CNTN5: variants seen among roughly 807,000 people sequenced by gnomAD.
CNTN5 encodes the protein contactin-5.
A neutral mutation model predicts 129.1 loss-of-function variants in CNTN5; 77 were observed. That is an observed-to-expected ratio of 0.60 (90% CI 0.50 to 0.72). The LOEUF (loss-of-function observed/expected upper bound fraction) is 0.72, where lower values mean the gene tolerates loss of function less well. Ranked by LOEUF, CNTN5 falls within the 30% of genes least tolerant of loss-of-function variation. CNTN5 has a pLI of 0.00. For missense variants in CNTN5, 1,478 were observed against 1,328.8 expected (o/e 1.11, Z -1.75); for synonymous variants, 509 against 465.6 (o/e 1.09, Z -1.20).
intron 3 of CNTN5, among the ~76,000 whole-genome samples, chr11:99,763,160 ATTTAC>A (rs1944644478): frequency 6.6e-6 from 1 of 152,010 alleles, no homozygotes; most frequent in Non-Finnish European, 1.5e-5. Flanking sequence ...AATTTTTCAT[ATTTAC>A]TTAAATGTAT....
chr11:100,140,889 C>T (rs1464903086), intron 13 of CNTN5, among the ~76,000 whole-genome samples: 1 of 152,018 alleles, frequency 6.6e-6, no homozygotes, highest in Non-Finnish European at 1.5e-5. Context: ...TTTTAGTGAA[C>T]AGGAAATGAG....
chr11:99,059,119 T>C (rs1304909508), intron 1 of CNTN5, among the ~76,000 whole-genome samples: 1 of 150,830 alleles, frequency 6.6e-6, no homozygotes, highest in Non-Finnish European at 1.5e-5. Flanking sequence ...TCTTTTTCTT[T>C]TTTTCAGAGA....
chr11:100,002,121 G>T lies in CNTN5; in HGVS notation c.965G>T (p.Cys322Phe), dbSNP rs1331933666. 3 of 1,572,068 alleles carry T rather than the reference G, an allele frequency of 1.9e-6. No individual in the cohort carries two copies. The highest frequency in any genetic ancestry group is 2.6e-6 in the Non-Finnish European group (3 of 1,165,490). Residue 322 changes from cysteine (C) to phenylalanine (F), a missense_variant, in exon 9 of 25, where the codon TGC (cysteine) becomes TTC (phenylalanine). Physicochemically the swap from Cys to Phe is radical, Grantham distance 205. Coordinates refer to ENST00000524871, the MANE Select transcript of CNTN5 (RefSeq NM_014361.4). The part of the protein sequence containing the change: ...AAKGTTVKME[C>F]FALGNPVPTI... ...AAAGGAACAACTGTTAAGATGGAAT[G>T]CTTTGCACTTGGCAAGTAAGTACAT...
chr11:99,510,355 A>T (rs989977782), intron 2 of CNTN5, among the ~76,000 whole-genome samples: 1 of 152,186 alleles, frequency 6.6e-6, no homozygotes, highest in African/African-American at 2.4e-5. Context: ...AAACTGGCAT[A>T]ACCTTTCTGA....
intron 3 of CNTN5, among the ~76,000 whole-genome samples, chr11:99,572,341 T>C (rs1949201916): frequency 6.6e-6 from 1 of 152,204 alleles, no homozygotes; most frequent in Admixed American, 6.5e-5. Flanking sequence ...TACAAATTTA[T>C]GTTGGGCTGC....
intron 1 of CNTN5, among the ~76,000 whole-genome samples, chr11:99,099,583 A>T (rs535033189): frequency 8.7e-4 from 132 of 151,614 alleles, no homozygotes; most frequent in African/African-American, 3.2e-3. Flanking sequence ...CACACACAGC[A>T]TAGGCACTTA....
rs183955764 is a variant in CNTN5 at position 99,978,766 on chromosome 11, G to A, written c.877+21757G>A. On this transcript the variant is annotated intron_variant, in intron 8 of 24. Transcript: ENST00000524871. ...GCATTAATCCTCATCACTAAGTGACGCATGACTGCTTATTTTATGACATTT... is the reference window on the plus strand; with the variant it reads ...GCATTAATCCTCATCACTAAGTGACACATGACTGCTTATTTTATGACATTT... Among the ~76,000 whole-genome samples, 333 of 152,228 alleles carry A rather than the reference G, an allele frequency of 2.2e-3. 2 individuals are homozygous for A. Among genetic ancestry groups the A allele is most frequent in the African/African-American group, 3.2e-3 (132 of 41,514 alleles).
At chr11:99,513,492 A>G (rs1203526221) in intron 2 of CNTN5, among the ~76,000 whole-genome samples, 1 of 152,122 alleles carries the variant, frequency 6.6e-6, no homozygotes, top group Non-Finnish European at 1.5e-5. Flanking sequence ...GTAGAAGTTA[A>G]TGCCTGGCTT....
chr11:99,710,567 A>ATGTGTGTG (rs71050018), intron 3 of CNTN5, among the ~76,000 whole-genome samples: 60 of 140,572 alleles, frequency 4.3e-4, no homozygotes, highest in African/African-American at 1.5e-3. Context: ...GTGTGTGTGC[A>ATGTGTGTG]TGTGTGTGTG....
intron 18 of CNTN5, 100 bp downstream of exon 18, chr11:100,271,341 ATT>A (rs1490590325): frequency 1.5e-6 from 1 of 685,980 alleles, no homozygotes; most frequent in African/African-American, 1.8e-5. Flanking sequence ...CTTTAGCATA[ATT>A]TGTCCTGATT....
intron 13 of CNTN5, among the ~76,000 whole-genome samples, chr11:100,118,966 G>A (rs1945926512): frequency 6.6e-6 from 1 of 151,278 alleles, no homozygotes; most frequent in Non-Finnish European, 1.5e-5. Flanking sequence ...AAATTTCTAC[G>A]TCATAAGCCA....
At chr11:99,769,175 G>A (rs950428140) in intron 3 of CNTN5, among the ~76,000 whole-genome samples, 2 of 151,922 alleles carry the variant, frequency 1.3e-5, no homozygotes, top group Admixed American at 1.3e-4. Context: ...ACTTCAAACT[G>A]GCAACTTTGA....
intron 18 of CNTN5, among the ~76,000 whole-genome samples, chr11:100,272,217 T>A (rs1043124988): frequency 6.6e-6 from 1 of 152,174 alleles, no homozygotes; most frequent in South Asian, 2.1e-4. Flanking sequence ...TACTGAAACC[T>A]AGAACAGTGT....
chr11:100,035,752 G>C (rs1232621360), intron 9 of CNTN5, among the ~76,000 whole-genome samples: 1 of 150,538 alleles, frequency 6.6e-6, no homozygotes, highest in Non-Finnish European at 1.5e-5. Context: ...TGTGTTTTTT[G>C]GCTGCATAAA....
At chr11:99,852,449 T>A (rs1947902462) in intron 6 of CNTN5, among the ~76,000 whole-genome samples, 1 of 152,210 alleles carries the variant, frequency 6.6e-6, no homozygotes, top group Non-Finnish European at 1.5e-5. Context: ...AATGCTGGGA[T>A]TAGAGGCATG....
intron 2 of CNTN5, among the ~76,000 whole-genome samples, chr11:99,385,851 T>C (rs1167994225): frequency 6.6e-6 from 1 of 152,166 alleles, no homozygotes; most frequent in Non-Finnish European, 1.5e-5. Flanking sequence ...TATGGAATTG[T>C]ACATCCTACA....
chr11:99,506,134 T>C (rs1024688874), intron 2 of CNTN5, among the ~76,000 whole-genome samples: 1 of 152,262 alleles, frequency 6.6e-6, no homozygotes, highest in African/African-American at 2.4e-5. Context: ...GTAGTTGATC[T>C]TGGACTTTTT....
chr11:100,055,396 C>T (rs1415300915), intron 9 of CNTN5, among the ~76,000 whole-genome samples: 1 of 150,990 alleles, frequency 6.6e-6, no homozygotes, highest in Non-Finnish European at 1.5e-5. Flanking sequence ...TTTTTCTTAC[C>T]ACTTCTTGCA....
intron 3 of CNTN5, among the ~76,000 whole-genome samples, chr11:99,657,918 C>T (rs1952439643): frequency 6.6e-6 from 1 of 152,096 alleles, no homozygotes; most frequent in Admixed American, 6.6e-5. Context: ...TGTAAATTGG[C>T]CTTCTTTCAC....
Sources: gnomAD v4.1 joint callset for allele counts (sites outside exome capture counted in the v4.1 genomes callset) on GRCh38, gnomAD v4.1.1 for gene constraint, MANE v1.5 for transcripts, NCBI Gene and HGNC (gene_info 2026-07-23, HGNC 2026-07-21) for gene names.